The following SCN11A variants were observed in gnomAD, a reference collection of about 807,000 sequenced individuals.
SCN11A encodes sodium voltage-gated channel alpha subunit 11.
SCN11A carries 122 observed loss-of-function variants against 162.2 expected under a neutral mutation model. The ratio of observed to expected loss-of-function variants is 0.75; its 90% CI spans 0.65 to 0.87. The LOEUF (loss-of-function observed/expected upper bound fraction) is 0.87, where lower values mean the gene tolerates loss of function less well. Among genes scored for constraint, SCN11A ranks in the 40% least tolerant of loss-of-function variants. SCN11A has a pLI of 0.00. For missense variants in SCN11A, 2,015 were observed against 2,181.6 expected, an observed-to-expected ratio of 0.92 and a Z score of 1.52; for synonymous variants, 758 against 751.5, an observed-to-expected ratio of 1.01 and a Z score of -0.14.
rs759827115 is a variant in SCN11A at position 38,846,855 on chromosome 3, T to G, written c.5215A>C (p.Ile1739Leu). The change falls in exon 30 of 30, where the codon ATT (isoleucine) becomes CTT (leucine). Residue 1739 changes from isoleucine to leucine, a missense_variant. Physicochemically the swap from Ile to Leu is conservative, Grantham distance 5. Transcript: ENST00000302328. The stretch of plus-strand genomic sequence containing the variant: ...TACTTTCGAAAGGCCTTTTGAATAA[T>G]AGCAGCACCTCTTTCCTCTTCCTTT... ...KRKEEERGAA[I>L]IQKAFRKYMM... 1.2e-6 allele frequency: 2 copies of G among 1,614,116 alleles called. No individual in the cohort carries two copies. The highest frequency in any genetic ancestry group is 1.3e-5 in the African/African-American group (1 of 75,048).
chr3:38,918,943 A>T lies in SCN11A; in HGVS notation c.959+992T>A, dbSNP rs543464001. 3.3e-5 allele frequency among the ~76,000 whole-genome samples: 5 copies of T among 152,336 alleles called. No individual in the cohort carries two copies. The South Asian group carries it at 1.0e-3, about 32-fold the overall frequency. Reference sequence around the variant, plus strand: ...GTTGTATAAACATCATAGAGTGTACACACAAGCCTAGATGGTATAGCCTAC... The same window carrying T: ...GTTGTATAAACATCATAGAGTGTACTCACAAGCCTAGATGGTATAGCCTAC... On this transcript the variant is annotated intron_variant, in intron 11 of 29. Transcript: ENST00000302328.
intron 17 of SCN11A, among the ~76,000 whole-genome samples, chr3:38,898,675 T>C (rs2065646493): frequency 6.6e-6 from 1 of 152,198 alleles, no homozygotes; most frequent in South Asian, 2.1e-4. Flanking sequence ...CAACTTGTTT[T>C]ATAGGTTGTT....
intron 2 of SCN11A, among the ~76,000 whole-genome samples, chr3:38,983,247 T>C (rs1022658342): frequency 6.6e-6 from 1 of 152,184 alleles, no homozygotes; most frequent in Non-Finnish European, 1.5e-5. Flanking sequence ...GCTTTGATGT[T>C]TTTTGCTCCA....
chr3:38,936,969 C>G (rs1399132736), intron 7 of SCN11A, among the ~76,000 whole-genome samples: 1 of 152,022 alleles, frequency 6.6e-6, no homozygotes, highest in East Asian at 1.9e-4. Context: ...TGACTTCAAA[C>G]TATACTACAA....
chr3:38,981,644 T>C (rs922056521), intron 2 of SCN11A, among the ~76,000 whole-genome samples: 1 of 151,904 alleles, frequency 6.6e-6, no homozygotes, highest in African/African-American at 2.4e-5. Context: ...AGTGCCATAG[T>C]AGCCATCCCA....
chr3:38,929,131 G>GCACA (rs1553641802), intron 7 of SCN11A, among the ~76,000 whole-genome samples: 2 of 36,994 alleles, frequency 5.4e-5, no homozygotes, highest in Non-Finnish European at 1.4e-4. Flanking sequence ...CTGGGTCTGT[G>GCACA]CACGCACACA....
chr3:38,866,603 T>C (rs189814870), intron 27 of SCN11A, among the ~76,000 whole-genome samples: 2 of 152,298 alleles, frequency 1.3e-5, no homozygotes, highest in African/African-American at 2.4e-5. Context: ...AAATTAAAAA[T>C]ATAAGGTAAT....
At chr3:39,031,673 T>C (rs1180777394) in intron 2 of SCN11A, among the ~76,000 whole-genome samples, 2 of 152,206 alleles carry the variant, frequency 1.3e-5, no homozygotes, top group African/African-American at 4.8e-5. Context: ...TATGTATACT[T>C]ATATAATCTT....
intron 2 of SCN11A, among the ~76,000 whole-genome samples, chr3:38,997,341 C>G (rs1317727346): frequency 6.6e-6 from 1 of 152,208 alleles, no homozygotes; most frequent in African/African-American, 2.4e-5. Context: ...TGGCCATCCC[C>G]CTTTGCTGGA....
chr3:38,885,614 C>T (rs1326631440), intron 20 of SCN11A, among the ~76,000 whole-genome samples: 4 of 152,192 alleles, frequency 2.6e-5, no homozygotes, highest in African/African-American at 7.2e-5. Context: ...TCTAGCTCAT[C>T]TCTATAGCTG....
rs1416384033 is a variant in SCN11A at position 38,877,196 on chromosome 3, CTA to C, written c.3393+2752_3393+2753del. ...ATATGGTATATATATGGTGTATATACTATATATATGGTATATATATGGTGTAT... is the reference window on the plus strand; with the variant it reads ...ATATGGTATATATATGGTGTATATACTATATATGGTATATATATGGTGTAT... On this transcript the variant is annotated intron_variant, in intron 23 of 29. Coordinates refer to ENST00000302328, the MANE Select transcript of SCN11A (RefSeq NM_001349253.2). Among the ~76,000 whole-genome samples, 8 of 52,940 alleles carry C rather than the reference CTA, an allele frequency of 1.5e-4. 1 individual carries two copies. The highest frequency in any genetic ancestry group is 7.3e-4 in the African/African-American group (7 of 9,546). The allele number at this position is 52,940 out of a possible 152,430, so 34.7% of individuals were successfully genotyped here. A position where few individuals can be genotyped will look rare whatever the true frequency, so the allele number is the denominator to read the frequency against.
At chr3:38,986,534 C>T (rs1338175265) in intron 2 of SCN11A, among the ~76,000 whole-genome samples, 1 of 152,026 alleles carries the variant, frequency 6.6e-6, no homozygotes, top group Non-Finnish European at 1.5e-5. Context: ...AAGAGGGAAC[C>T]CCGAAACTGA....
At chr3:38,971,603 A>G (rs1027063329) in intron 2 of SCN11A, among the ~76,000 whole-genome samples, 4 of 152,166 alleles carry the variant, frequency 2.6e-5, no homozygotes, top group Non-Finnish European at 4.4e-5. Context: ...ACCAACATTC[A>G]GAACTGGTTC....
At chr3:38,865,904 T>C (rs1025940481) in intron 27 of SCN11A, among the ~76,000 whole-genome samples, 1 of 152,116 alleles carries the variant, frequency 6.6e-6, no homozygotes, top group Non-Finnish European at 1.5e-5. Context: ...ATAATAAATA[T>C]ATAACAATTA....
At chr3:38,859,031 GA>G (rs2064919604) in intron 28 of SCN11A, among the ~76,000 whole-genome samples, 1 of 152,054 alleles carries the variant, frequency 6.6e-6, no homozygotes, top group African/African-American at 2.4e-5. Flanking sequence ...GTGGTGCTAA[GA>G]GGAAAGTTTG....
At position 38,918,822 on chromosome 3, in the gene SCN11A, G is replaced by C. The variant is rs553247966; in HGVS notation, c.959+1113C>G. Among the ~76,000 whole-genome samples, 39 of 152,272 alleles carry C rather than the reference G, an allele frequency of 2.6e-4. 1 individual carries two copies. Among genetic ancestry groups the C allele is most frequent in the Admixed American group, 2.5e-3 (39 of 15,302 alleles). ...AACCCCATCATACCTCTCAGCACCT[G>C]CACATCACCCTTATAACACTCATCA... On this transcript the variant is annotated intron_variant, in intron 11 of 29. Coordinates refer to ENST00000302328, the MANE Select transcript of SCN11A (RefSeq NM_001349253.2).
At chr3:38,997,807 G>A (rs137965313) in intron 2 of SCN11A, among the ~76,000 whole-genome samples, 1 of 152,326 alleles carries the variant, frequency 6.6e-6, no homozygotes, top group African/African-American at 2.4e-5. Context: ...CTTAGACAAT[G>A]GGGCTTTCCC....
chr3:38,955,601 G>A (rs1012330842), intron 3 of SCN11A, among the ~76,000 whole-genome samples: 7 of 152,156 alleles, frequency 4.6e-5, no homozygotes, highest in African/African-American at 1.7e-4. Context: ...GGTGAAATTT[G>A]TACAGAAATA....
rs528646330 is a variant in SCN11A, at chr3:38,889,079, G to A, written c.2836-2841C>T. On this transcript the variant is annotated intron_variant, in intron 19 of 29. Coordinates refer to ENST00000302328, the MANE Select transcript of SCN11A (RefSeq NM_001349253.2). ...GGCACATCAATGATATCTGCATAAG[G>A]GGAAAATCTTTTTAAATGCTTACAT... Among the ~76,000 whole-genome samples, 4 of 152,090 alleles carry A rather than the reference G, an allele frequency of 2.6e-5. No homozygotes were observed. In the South Asian group the frequency reaches 8.3e-4, roughly 32 times the overall value.
Sources: allele counts gnomAD v4.1 joint callset (sites outside exome capture counted in the v4.1 genomes callset), GRCh38; gene constraint gnomAD v4.1.1; transcripts MANE v1.5; gene names NCBI Gene and HGNC (gene_info 2026-07-23, HGNC 2026-07-21).